Variants in NCOA1 observed in about 807,000 individuals in gnomAD.
NCOA1 encodes the protein nuclear receptor coactivator 1.
In NCOA1, 35 loss-of-function variants were observed where a neutral mutation model predicts 150.9. The ratio of observed to expected loss-of-function variants is 0.23; its 90% CI spans 0.18 to 0.31. The LOEUF is 0.31. Ranked by LOEUF, NCOA1 falls within the 10% of genes least tolerant of loss-of-function variation. The probability of loss-of-function intolerance (pLI) is 1.00; values close to 1 mark genes in which losing one functional copy is unlikely to be tolerated. For synonymous variants in NCOA1, 590 were observed against 630.0 expected, an observed-to-expected ratio of 0.94 and a Z score of 0.95; for missense variants, 1,491 against 1,749.3, an observed-to-expected ratio of 0.85 and a Z score of 2.63.
chr2:24,568,004 G>A (rs757630657), intron 2 of NCOA1, among the ~76,000 whole-genome samples: 3 of 152,050 alleles, frequency 2.0e-5, no homozygotes, highest in Non-Finnish European at 2.9e-5. Context: ...TTGGCCTCCC[G>A]AAGTGCTGGG....
intron 1 of NCOA1, among the ~76,000 whole-genome samples, chr2:24,509,766 A>G (rs986285740): frequency 3.3e-5 from 5 of 152,206 alleles, no homozygotes; most frequent in African/African-American, 1.2e-4. Context: ...AACAGAGAGA[A>G]AGAGTATAGT....
At chr2:24,745,495 T>A (rs1222920362) in intron 19 of NCOA1, among the ~76,000 whole-genome samples, 1 of 152,138 alleles carries the variant, frequency 6.6e-6, no homozygotes, top group Non-Finnish European at 1.5e-5. Context: ...GTATTCAAAG[T>A]AAATATGAGA....
intron 3 of NCOA1, among the ~76,000 whole-genome samples, chr2:24,587,297 A>G (rs563832758): frequency 1.3e-4 from 20 of 152,218 alleles, no homozygotes; most frequent in African/African-American, 4.8e-4. Context: ...TTAAAAAAAA[A>G]TAGTAAACTC....
intron 4 of NCOA1, among the ~76,000 whole-genome samples, chr2:24,651,933 G>A (rs374738724): frequency 6.6e-6 from 1 of 152,028 alleles, no homozygotes; most frequent in Admixed American, 6.6e-5. Context: ...CATTACTGGT[G>A]GGAATTTTAA....
At chr2:24,608,676 TG>T (rs1668480228) in intron 3 of NCOA1, among the ~76,000 whole-genome samples, 1 of 151,290 alleles carries the variant, frequency 6.6e-6, no homozygotes, top group South Asian at 2.1e-4. Context: ...CAGGTTTTTT[TG>T]TTTTGTTTTT....
intron 14 of NCOA1, among the ~76,000 whole-genome samples, chr2:24,726,357 A>G (rs1674622247): frequency 6.6e-6 from 1 of 152,172 alleles, no homozygotes; most frequent in African/African-American, 2.4e-5. Context: ...TAACCTATGT[A>G]CAAACTTTAA....
chr2:24,758,394 A>T (rs1664608340), intron 21 of NCOA1, among the ~76,000 whole-genome samples: 1 of 145,718 alleles, frequency 6.9e-6, no homozygotes, highest in Non-Finnish European at 1.5e-5. Context: ...ACAGTGGTGC[A>T]ATTACAGCTC....
At chr2:24,732,514 G>A (rs891986800) in intron 17 of NCOA1, among the ~76,000 whole-genome samples, 1 of 152,186 alleles carries the variant, frequency 6.6e-6, no homozygotes, top group African/African-American at 2.4e-5. Context: ...TGCACTGCAA[G>A]TACTAGGAGT....
At position 24,707,047 on chromosome 2, in the gene NCOA1, G is replaced by GTAA. The variant is rs1673483032; in HGVS notation, c.1587_1589dup (p.Asn530dup). The GTAA allele has an allele frequency of 6.2e-7, 1 of 1,614,158 alleles. No homozygotes were observed. The highest frequency in any genetic ancestry group is 1.1e-5 in the South Asian group (1 of 91,080). ...CCCGTTGGCATGACAAGTAGTGCCT[G>GTAA]TAATAATAATAACCGATCTTATTCA... On this transcript the variant is annotated inframe_insertion, in exon 13 of 23. Transcript: ENST00000348332.
At chr2:24,675,812 G>T (rs1013950493) in intron 7 of NCOA1, among the ~76,000 whole-genome samples, 3 of 152,206 alleles carry the variant, frequency 2.0e-5, no homozygotes, top group African/African-American at 7.2e-5. Context: ...GTGAACCTGT[G>T]AGGCAGAGGT....
intron 1 of NCOA1, among the ~76,000 whole-genome samples, chr2:24,558,752 C>T (rs545093817): frequency 1.3e-5 from 2 of 152,318 alleles, no homozygotes; most frequent in Admixed American, 6.5e-5. Context: ...TCAAATCTGT[C>T]TCCTGAGCTG....
At chr2:24,660,746 A>G (rs540199426) in intron 5 of NCOA1, among the ~76,000 whole-genome samples, 2 of 152,102 alleles carry the variant, frequency 1.3e-5, no homozygotes, top group Non-Finnish European at 2.9e-5. Context: ...ATCCTCACAC[A>G]TATCTCCTAT....
intron 17 of NCOA1, among the ~76,000 whole-genome samples, chr2:24,731,912 A>G (rs1361462299): frequency 6.6e-6 from 1 of 152,232 alleles, no homozygotes; most frequent in African/African-American, 2.4e-5. Context: ...AAGACCTGAA[A>G]ACCATTTTGA....
intron 13 of NCOA1, 41 bp downstream of exon 13, chr2:24,707,929 A>C (rs1558304748): frequency 6.7e-7 from 1 of 1,497,916 alleles, no homozygotes; most frequent in Non-Finnish European, 8.9e-7. Context: ...ATTCTTAGTA[A>C]TTTTTTTTTT....
At chr2:24,547,604 A>G (rs903140402) in intron 1 of NCOA1, among the ~76,000 whole-genome samples, 5 of 152,232 alleles carry the variant, frequency 3.3e-5, no homozygotes, top group Admixed American at 2.6e-4. Context: ...GTACAGAGAT[A>G]CAGCATTGTA....
chr2:24,760,312 T>C (rs1664727723), intron 21 of NCOA1, among the ~76,000 whole-genome samples: 1 of 146,038 alleles, frequency 6.8e-6, no homozygotes, highest in Admixed American at 6.8e-5. Flanking sequence ...GCTAATTTTT[T>C]TTTTTTTTTT....
intron 3 of NCOA1, among the ~76,000 whole-genome samples, chr2:24,623,093 A>ACCAGTATAC (rs1669247272): frequency 6.6e-6 from 1 of 152,218 alleles, no homozygotes; most frequent in African/African-American, 2.4e-5. Flanking sequence ...GCGGAGGACA[A>ACCAGTATAC]CCAGTATACT....
intron 3 of NCOA1, among the ~76,000 whole-genome samples, chr2:24,634,753 C>G (rs1400619559): frequency 1.4e-5 from 2 of 140,952 alleles, no homozygotes; most frequent in East Asian, 4.7e-4. Context: ...ACTCTTTCGC[C>G]TAGGCTGGAT....
chr2:24,556,294 A>T (rs1666067780), intron 1 of NCOA1, among the ~76,000 whole-genome samples: 1 of 152,216 alleles, frequency 6.6e-6, no homozygotes, highest in Admixed American at 6.5e-5. Flanking sequence ...AATGGCTTCC[A>T]GCGCCATCCA....
Sources: gnomAD v4.1 joint callset for allele counts (sites outside exome capture counted in the v4.1 genomes callset) on GRCh38, gnomAD v4.1.1 for gene constraint, MANE v1.5 for transcripts, NCBI Gene and HGNC (gene_info 2026-07-23, HGNC 2026-07-21) for gene names.